Variants in RBMS3 observed in about 807,000 individuals in gnomAD.
RBMS3 encodes the protein RNA-binding motif, single-stranded-interacting protein 3.
Under a neutral mutation model 66.8 loss-of-function variants are expected in RBMS3, and 27 were observed. The observed-to-expected ratio is 0.40, with a 90% CI of 0.30 to 0.56. The LOEUF (loss-of-function observed/expected upper bound fraction) is 0.56. Among genes scored for constraint, RBMS3 ranks in the 20% least tolerant of loss-of-function variants. The pLI, the probability that RBMS3 is intolerant of heterozygous loss-of-function variation, is 0.40. For synonymous variants in RBMS3, 188 were observed against 183.0 expected (o/e 1.03, Z -0.22); for missense variants, 513 against 549.5 (o/e 0.93, Z 0.66).
At chr3:29,486,181 G>T (rs2043309899) in intron 2 of RBMS3, among the ~76,000 whole-genome samples, 1 of 152,132 alleles carries the variant, frequency 6.6e-6, no homozygotes, top group Non-Finnish European at 1.5e-5. Flanking sequence ...AGATCACAGA[G>T]AATACAGAGC....
chr3:29,939,655 A>G (rs1217153880), intron 11 of RBMS3, among the ~76,000 whole-genome samples: 1 of 151,898 alleles, frequency 6.6e-6, no homozygotes, highest in Non-Finnish European at 1.5e-5. Context: ...GGTTCTCCTC[A>G]GACCTCTCTG....
At chr3:29,730,106 A>C (rs1360468254) in intron 4 of RBMS3, among the ~76,000 whole-genome samples, 1 of 152,116 alleles carries the variant, frequency 6.6e-6, no homozygotes, top group African/African-American at 2.4e-5. Flanking sequence ...TTAATCTTAT[A>C]TGGCAATGGA....
intron 8 of RBMS3, among the ~76,000 whole-genome samples, chr3:29,889,240 C>T (rs1411649719): frequency 4.0e-5 from 6 of 151,738 alleles, no homozygotes; most frequent in Admixed American, 3.3e-4. Flanking sequence ...ACTCACTCCC[C>T]ATGGCCCCAC....
chr3:29,380,572 C>T (rs773994369), intron 1 of RBMS3, among the ~76,000 whole-genome samples: 1 of 152,044 alleles, frequency 6.6e-6, no homozygotes, highest in Non-Finnish European at 1.5e-5. Context: ...TGTTTTGTTA[C>T]CATTTCATAG....
intron 14 of RBMS3, 29 bp downstream of exon 14, chr3:29,991,238 C>T: frequency 6.2e-7 from 1 of 1,613,648 alleles, no homozygotes; most frequent in Non-Finnish European, 8.5e-7. Flanking sequence ...AAGCTCTTTT[C>T]CTCAAGATCA....
At chr3:29,994,311 G>A (rs1392337495) in intron 14 of RBMS3, among the ~76,000 whole-genome samples, 6 of 152,234 alleles carry the variant, frequency 3.9e-5, no homozygotes, top group African/African-American at 9.6e-5. Context: ...TGCTAGCACA[G>A]CAGTCTGAGA....
chr3:29,616,148 CTT>C, intron 4 of RBMS3: 2 of 152,286 alleles, frequency 1.3e-5, no homozygotes, highest in South Asian at 4.1e-4. Flanking sequence ...TTAAGGCTAA[CTT>C]TATTGAAGTC....
chr3:29,698,831 ATAAT>A (rs1176365283), intron 4 of RBMS3, among the ~76,000 whole-genome samples: 2 of 152,206 alleles, frequency 1.3e-5, no homozygotes, highest in Admixed American at 1.3e-4. Context: ...AAAAATTTAT[ATAAT>A]TAATACTACC....
chr3:29,984,724 G>A (rs1698249712), intron 12 of RBMS3, among the ~76,000 whole-genome samples: 1 of 152,168 alleles, frequency 6.6e-6, no homozygotes, highest in African/African-American at 2.4e-5. Flanking sequence ...CTCTTTGCCT[G>A]GGTATGACCA....
chr3:29,775,096 G>C (rs1274814821), intron 6 of RBMS3, among the ~76,000 whole-genome samples: 5 of 151,858 alleles, frequency 3.3e-5, no homozygotes, highest in South Asian at 4.1e-4. Flanking sequence ...AAAAGATGAA[G>C]AAAGATAACC....
At chr3:29,795,424 C>T (rs552829837) in intron 6 of RBMS3, among the ~76,000 whole-genome samples, 1 of 152,258 alleles carries the variant, frequency 6.6e-6, no homozygotes, top group South Asian at 2.1e-4. Flanking sequence ...AGACAAAATA[C>T]AGCATTATTT....
At chr3:29,751,826 G>A (rs962020323) in intron 5 of RBMS3, among the ~76,000 whole-genome samples, 25 of 152,166 alleles carry the variant, frequency 1.6e-4, no homozygotes, top group African/African-American at 3.4e-4. Context: ...GGGTTAGCAC[G>A]CAGGTGAGCT....
At chr3:29,666,996 G>C (rs934243449) in intron 4 of RBMS3, among the ~76,000 whole-genome samples, 3 of 152,052 alleles carry the variant, frequency 2.0e-5, no homozygotes, top group Admixed American at 6.6e-5. Context: ...CAGTTTTACT[G>C]CCCTGTCTTG....
chr3:29,919,426 A>G (rs1218334552), intron 10 of RBMS3, among the ~76,000 whole-genome samples: 1 of 152,170 alleles, frequency 6.6e-6, no homozygotes, highest in African/African-American at 2.4e-5. Context: ...CAGCTGTTCG[A>G]GCTGTGGAAT....
At chr3:29,371,806 C>A (rs1392508118) in intron 1 of RBMS3, among the ~76,000 whole-genome samples, 1 of 152,046 alleles carries the variant, frequency 6.6e-6, no homozygotes, top group Non-Finnish European at 1.5e-5. Flanking sequence ...ACCAGCAAAC[C>A]TGACTAACCC....
Position 29,869,042 on chromosome 3 carries a change from T to A in RBMS3, c.744+78T>A, listed in dbSNP as rs1310864076. On this transcript the variant is annotated intron_variant, in intron 7 of 14. Coordinates refer to ENST00000383767, the MANE Select transcript of RBMS3 (RefSeq NM_001003793.3). ...AGAAGGTGGCAAGGCAGACGTATGG[T>A]GCCATGATGAAATTGGGTCCCATGG... is the stretch of plus-strand genomic sequence containing the variant. 5.9e-5 allele frequency: 71 copies of A among 1,204,104 alleles called. 1 individual carries two copies. The South Asian group carries it at 1.1e-3, about 18-fold the overall frequency. The allele number at this position is 1,204,104 out of a possible 1,614,324, so 74.6% of individuals were successfully genotyped here.
intron 2 of RBMS3, among the ~76,000 whole-genome samples, chr3:29,475,935 G>A (rs1356663989): frequency 6.6e-6 from 1 of 152,186 alleles, no homozygotes; most frequent in East Asian, 1.9e-4. Context: ...CTGGCATGCA[G>A]AGAGTGGCTG....
intron 8 of RBMS3, among the ~76,000 whole-genome samples, chr3:29,894,773 A>G (rs1019293095): frequency 6.7e-6 from 1 of 148,946 alleles, no homozygotes; most frequent in Non-Finnish European, 1.5e-5. Context: ...ATAGAAAACA[A>G]TTGGGACAGA....
intron 3 of RBMS3, among the ~76,000 whole-genome samples, chr3:29,514,761 A>G (rs949678181): frequency 1.3e-5 from 2 of 149,052 alleles, no homozygotes; most frequent in Non-Finnish European, 3.0e-5. Flanking sequence ...ATATATAAGC[A>G]TATATACGAT....
Sources: gnomAD v4.1 joint callset for allele counts (sites outside exome capture counted in the v4.1 genomes callset) on GRCh38, gnomAD v4.1.1 for gene constraint, MANE v1.5 for transcripts, NCBI Gene and HGNC (gene_info 2026-07-23, HGNC 2026-07-21) for gene names.